Variants in ZNF66 observed in about 807,000 individuals in gnomAD.
The protein encoded by ZNF66 is putative zinc finger protein 66.
A neutral mutation model predicts 35.2 loss-of-function variants in ZNF66; 32 were observed. The ratio of observed to expected loss-of-function variants is 0.91; its 90% CI spans 0.69 to 1.22. ZNF66 has a LOEUF of 1.22. ZNF66 is among the 50% of genes most tolerant of loss of function. The probability of loss-of-function intolerance (pLI) is 0.00; values close to 1 mark genes in which losing one functional copy is unlikely to be tolerated. For missense variants in ZNF66, 666 were observed against 543.1 expected (o/e 1.23, Z -2.25); for synonymous variants, 231 against 181.3 (o/e 1.27, Z -2.20).
At chr19:20,794,008 GT>G in intron 3 of ZNF66, 130 bp downstream of exon 3, 1 of 536,590 alleles carries the variant, frequency 1.9e-6, no homozygotes, top group South Asian at 3.4e-5. Flanking sequence ...TGTTTTTTTT[GT>G]TTTTTGTTTT....
intron 2 of ZNF66, among the ~76,000 whole-genome samples, 192 bp downstream of exon 2, chr19:20,792,830 G>A (rs1442910133): frequency 6.6e-6 from 1 of 152,090 alleles, no homozygotes; most frequent in Admixed American, 6.6e-5. Flanking sequence ...CACTTTGGGA[G>A]GCTGAGGCAG....
intron 1 of ZNF66, among the ~76,000 whole-genome samples, chr19:20,783,470 A>G (rs1274818932): frequency 6.6e-6 from 1 of 152,158 alleles, no homozygotes; most frequent in African/African-American, 2.4e-5. Flanking sequence ...GATTATCTTT[A>G]TCTGGTACTT....
chr19:20,806,104 T>C lies in ZNF66; in HGVS notation c.504T>C (p.Thr168=). 1.1e-6 allele frequency: 1 copy of C among 947,196 alleles called. No individual in the cohort carries two copies. The highest frequency in any genetic ancestry group is 1.7e-6 in the Non-Finnish European group (1 of 582,038). The allele number at this position is 947,196 out of a possible 1,614,324, so 58.7% of individuals were successfully genotyped here. The change falls in exon 4 of 4, where the codon ACT becomes ACC. Residue 168 remains threonine, a synonymous_variant. Transcript: ENST00000344519. ...SNTNRHKIRH[T]GKNPCKFTEC... is the part of the protein sequence containing the mutation. ...CAAACAGACATAAGATAAGACATAC[T>C]GGAAAAAACCCTTGCAAATTTACAG...
chr19:20,789,674 A>T (rs1366957468), intron 1 of ZNF66, among the ~76,000 whole-genome samples: 6 of 151,990 alleles, frequency 3.9e-5, no homozygotes, highest in African/African-American at 1.2e-4. Flanking sequence ...CTTATAATTT[A>T]AAAAAAATTG....
At chr19:20,776,619 G>A (rs1422698377) in intron 1 of ZNF66, 169 bp downstream of exon 1, 1 of 1,019,066 alleles carries the variant, frequency 9.8e-7, no homozygotes, top group Non-Finnish European at 1.5e-6. Flanking sequence ...GCCCCCGGGC[G>A]TCCTGTCGCT....
At chr19:20,793,993 G>C (rs535654875) in intron 3 of ZNF66, 115 bp downstream of exon 3, 2 of 569,874 alleles carry the variant, frequency 3.5e-6, no homozygotes, top group East Asian at 3.1e-5. Context: ...GAACTTCTGG[G>C]CAGCTGTTTT....
chr19:20,781,958 G>A (rs1460167658), intron 1 of ZNF66, among the ~76,000 whole-genome samples: 1 of 151,802 alleles, frequency 6.6e-6, no homozygotes, highest in Non-Finnish European at 1.5e-5. Context: ...TATAGTTGGA[G>A]ACAGAGTCTC....
rs767934089 is a variant in ZNF66 at position 20,777,114 on chromosome 19, T to TAAAA, written c.3+685_3+688dup. On this transcript the variant is annotated intron_variant, in intron 1 of 3. Coordinates refer to ENST00000344519, the MANE Select transcript of ZNF66 (RefSeq NM_001355197.2). ...TGGGCGACAGAGCAAGACTCTTGTC[T>TAAAA]AAAAAAAAAAAAAAAAAAAAAAAAT... Among the ~76,000 whole-genome samples the TAAAA allele has an allele frequency of 1.6e-3, 152 of 95,000 alleles. 1 individual carries two copies. Among genetic ancestry groups the TAAAA allele is most frequent in the African/African-American group, 6.1e-3 (147 of 24,002 alleles). 62.3% of individuals were successfully genotyped at this position (95,000 alleles called of 152,430 possible).
intron 1 of ZNF66, among the ~76,000 whole-genome samples, chr19:20,789,356 A>G (rs1054121459): frequency 6.6e-6 from 1 of 152,150 alleles, no homozygotes; most frequent in Non-Finnish European, 1.5e-5. Context: ...TGATTAGAAG[A>G]GATCAGAGTT....
Position 20,793,769 on chromosome 19 carries a change from T to G in ZNF66, c.131-14T>G. 1.1e-6 allele frequency: 1 copy of G among 921,328 alleles called. No homozygotes were observed. Among genetic ancestry groups the G allele is most frequent in the Non-Finnish European group, 1.6e-6 (1 of 635,398 alleles). 57.1% of individuals were successfully genotyped at this position (921,328 alleles called of 1,614,324 possible). ...TGTGAGCAAGATTCATGTTATTTAT[T>G]TTTGATAAAACAGGTATTGTTGTCT... On this transcript the variant is annotated splice_polypyrimidine_tract_variant and intron_variant, in intron 2 of 3. Coordinates refer to ENST00000344519, the MANE Select transcript of ZNF66 (RefSeq NM_001355197.2).
chr19:20,791,471 G>A (rs74182991), intron 1 of ZNF66, among the ~76,000 whole-genome samples: 12,610 of 139,508 alleles, frequency 0.09, 713 homozygotes, highest in Non-Finnish European at 0.12. Flanking sequence ...GGGGACAAGA[G>A]TGAGACTTAA....
intron 3 of ZNF66, among the ~76,000 whole-genome samples, chr19:20,803,462 A>G (rs1440563823): frequency 6.6e-6 from 1 of 151,934 alleles, no homozygotes; most frequent in African/African-American, 2.4e-5. Flanking sequence ...AATCAACTTC[A>G]GTTTCATACA....
At chr19:20,804,489 T>A (rs559298175) in intron 3 of ZNF66, among the ~76,000 whole-genome samples, 1 of 152,164 alleles carries the variant, frequency 6.6e-6, no homozygotes, top group South Asian at 2.1e-4. Flanking sequence ...AAATGATCCA[T>A]CCACCTTGGC....
In ZNF66 at chr19:20,807,328, C is replaced by G; in HGVS notation, c.*6C>G. ...AAAATGTGGCAAAGCCTTAGACACT[C>G]CTCTACCCTTACTAGACATAAGATA... On this transcript the variant is annotated 3_prime_UTR_variant, in exon 4 of 4. Transcript: ENST00000344519. The G allele has an allele frequency of 1.6e-6, 1 of 625,688 alleles. No homozygotes were observed. Among genetic ancestry groups the G allele is most frequent in the Non-Finnish European group, 2.9e-6 (1 of 347,360 alleles). 38.8% of individuals were successfully genotyped at this position (625,688 alleles called of 1,614,324 possible).
Position 20,809,927 on chromosome 19 carries a change from A to G in ZNF66, c.*2605A>G, listed in dbSNP as rs1442647341. On this transcript the variant is annotated 3_prime_UTR_variant, in exon 4 of 4. Coordinates refer to ENST00000344519, the MANE Select transcript of ZNF66 (RefSeq NM_001355197.2). ...CAAGACCCATCAGGGTGCTGTATTC[A>G]GGAAACCCATCTCACGTGCAGAGAC... Among the ~76,000 whole-genome samples the G allele has an allele frequency of 3.3e-5, 5 of 152,194 alleles. No individual in the cohort carries two copies. The highest frequency in any genetic ancestry group is 9.7e-5 in the African/African-American group (4 of 41,450).
chr19:20,801,031 A>G (rs1971442694), intron 3 of ZNF66, among the ~76,000 whole-genome samples: 1 of 152,122 alleles, frequency 6.6e-6, no homozygotes, highest in Non-Finnish European at 1.5e-5. Context: ...ATATAGATAG[A>G]TAAATATTAT....
chr19:20,797,615 G>A (rs1396616296), intron 3 of ZNF66, among the ~76,000 whole-genome samples: 1 of 151,464 alleles, frequency 6.6e-6, no homozygotes, highest in Non-Finnish European at 1.5e-5. Flanking sequence ...CCAGGCTGGA[G>A]TGCATTGGCG....
chr19:20,802,804 GCT>G (rs1491099939), intron 3 of ZNF66, among the ~76,000 whole-genome samples: 3 of 151,788 alleles, frequency 2.0e-5, no homozygotes, highest in East Asian at 3.9e-4. Context: ...TAATTATATT[GCT>G]CTCTGTGTGT....
At position 20,808,007 on chromosome 19, in the gene ZNF66, C is replaced by A. The variant is rs958336574; in HGVS notation, c.*685C>A. On this transcript the variant is annotated 3_prime_UTR_variant, in exon 4 of 4. Coordinates refer to ENST00000344519, the MANE Select transcript of ZNF66 (RefSeq NM_001355197.2). Reference sequence around the variant, plus strand: ...CACCTGGAAAATTGGGTTACTCCCACCCTAATACTGCGCAATTCCAATGGG... The same window carrying A: ...CACCTGGAAAATTGGGTTACTCCCAACCTAATACTGCGCAATTCCAATGGG... Among the ~76,000 whole-genome samples the A allele has an allele frequency of 2.0e-5, 3 of 152,150 alleles. No individual in the cohort carries two copies. Among genetic ancestry groups the A allele is most frequent in the African/African-American group, 7.2e-5 (3 of 41,420 alleles).
Sources: allele counts gnomAD v4.1 joint callset (sites outside exome capture counted in the v4.1 genomes callset), GRCh38; gene constraint gnomAD v4.1.1; transcripts MANE v1.5; gene names NCBI Gene and HGNC (gene_info 2026-07-23, HGNC 2026-07-21).